The following RP1 variants were observed in gnomAD, a reference collection of about 807,000 sequenced individuals.
The protein encoded by RP1 is RP1 axonemal microtubule associated.
Under a neutral mutation model 14.8 loss-of-function variants are expected in RP1, and 16 were observed. The ratio of observed to expected loss-of-function variants is 1.08; its 90% CI spans 0.73 to 1.65. The LOEUF (loss-of-function observed/expected upper bound fraction) is 1.65. RP1 is among the 40% of genes most tolerant of loss of function. The pLI is 0.00. For synonymous variants in RP1, 876 were observed against 883.6 expected (o/e 0.99, Z 0.15); for missense variants, 2,631 against 2,535.0 (o/e 1.04, Z -0.81).
At chr8:54,574,646 T>G (rs1804604604) in intron 1 of RP1, among the ~76,000 whole-genome samples, 1 of 152,134 alleles carries the variant, frequency 6.6e-6, no homozygotes, top group Admixed American at 6.5e-5. Context: ...GGAATAGGCT[T>G]TGGTTAGTCT....
chr8:54,618,065 A>G (rs192007547), intron 1 of RP1, among the ~76,000 whole-genome samples: 7 of 152,206 alleles, frequency 4.6e-5, no homozygotes, highest in African/African-American at 1.7e-4. Context: ...ATTCTCTCAC[A>G]CATATGAAGA....
rs190168517 is a variant in RP1 at position 54,736,297 on chromosome 8, A to G, written c.2721+1553A>G. 3.8e-3 allele frequency among the ~76,000 whole-genome samples: 579 copies of G among 152,302 alleles called. 6 individuals are homozygous for G. The highest frequency in any genetic ancestry group is 1.3e-3 in the Non-Finnish European group (87 of 68,022). On this transcript the variant is annotated intron_variant, in intron 18 of 22. Coordinates refer to the RP1 transcript ENST00000636932. ...TGACAAAAAGAGAAAATGTGTATAA[A>G]TTAAAAAAGGAATCCTATTGACATA...
At chr8:54,868,494 T>C (rs1812508319) in intron 28 of RP1, among the ~76,000 whole-genome samples, 1 of 152,200 alleles carries the variant, frequency 6.6e-6, no homozygotes, top group African/African-American at 2.4e-5. Flanking sequence ...TCATGGTTTG[T>C]TTGACAGATG....
intron 1 of RP1, among the ~76,000 whole-genome samples, chr8:54,576,665 T>TCCAG (rs1804670968): frequency 6.6e-6 from 1 of 152,194 alleles, no homozygotes; most frequent in South Asian, 2.1e-4. Context: ...ATGTAACAGA[T>TCCAG]CTGGTTACAG....
chr8:54,863,519 C>A (rs1428514058), intron 27 of RP1, among the ~76,000 whole-genome samples: 1 of 152,214 alleles, frequency 6.6e-6, no homozygotes, highest in Non-Finnish European at 1.5e-5. Context: ...TTTACTCCAT[C>A]TGTAATTGAT....
intron 19 of RP1, among the ~76,000 whole-genome samples, chr8:54,746,893 C>G (rs1261847142): frequency 6.6e-6 from 1 of 152,148 alleles, no homozygotes; most frequent in Non-Finnish European, 1.5e-5. Context: ...TTGATTCCCT[C>G]ATCCAACCTG....
downstream of RP1, among the ~76,000 whole-genome samples, chr8:54,633,603 C>T (rs1353643324): frequency 6.6e-6 from 1 of 151,768 alleles, no homozygotes; most frequent in Non-Finnish European, 1.5e-5. Flanking sequence ...CAGTGTTAAA[C>T]ATGTTTTAGC....
intron 27 of RP1, among the ~76,000 whole-genome samples, chr8:54,865,371 C>T (rs925548181): frequency 6.6e-6 from 1 of 151,390 alleles, no homozygotes; most frequent in African/African-American, 2.4e-5. Flanking sequence ...CCCTCCTTCT[C>T]TCTCTCCCTT....
intron 25 of RP1, chr8:54,852,553 A>G: frequency 1.6e-6 from 2 of 1,225,552 alleles, no homozygotes; most frequent in Non-Finnish European, 2.0e-6. Context: ...GAAAGATAAT[A>G]TCAGATTTCT....
chr8:54,718,677 A>G (rs1808463694), intron 15 of RP1, among the ~76,000 whole-genome samples: 1 of 152,230 alleles, frequency 6.6e-6, no homozygotes, highest in Non-Finnish European at 1.5e-5. Context: ...ATCAGTAAAA[A>G]GAAATGAGCC....
intron 4 of RP1, among the ~76,000 whole-genome samples, chr8:54,651,437 C>T (rs988726835): frequency 6.6e-6 from 1 of 151,958 alleles, no homozygotes; most frequent in African/African-American, 2.4e-5. Flanking sequence ...CTGATTCAAT[C>T]TCTTTACCCT....
chr8:54,628,200 G>A lies in RP1; in HGVS notation c.4318G>A (p.Glu1440Lys). The change falls in exon 4 of 4, where the codon GAA (glutamate) becomes AAA (lysine). Residue 1440 changes from glutamate to lysine, a missense_variant. Glu to Lys is a moderately conservative substitution (Grantham distance 56, BLOSUM62 1). Transcript: ENST00000220676. ...DENAYTSFDM[E>K]EPRTSEEPGS... ...AAATGCATATACTTCCTTTGATATG[G>A]AAGAACCACGGACTTCTGAAGAACC... 2 of 1,613,976 alleles carry A rather than the reference G, an allele frequency of 1.2e-6. No individual in the cohort carries two copies. Among genetic ancestry groups the A allele is most frequent in the Non-Finnish European group, 1.7e-6 (2 of 1,179,916 alleles).
chr8:54,621,693 G>A (rs1426259925), intron 2 of RP1, 112 bp downstream of exon 2: 1 of 1,478,268 alleles, frequency 6.8e-7, no homozygotes, highest in Admixed American at 1.7e-5. Context: ...CTTCCTCCCT[G>A]CCTGTGTATG....
At chr8:54,698,329 A>C (rs987584585) in intron 12 of RP1, among the ~76,000 whole-genome samples, 4 of 152,362 alleles carry the variant, frequency 2.6e-5, no homozygotes, top group Non-Finnish European at 4.4e-5. Context: ...AATCAAAACC[A>C]CAATGAGATA....
intron 24 of RP1, among the ~76,000 whole-genome samples, chr8:54,815,626 T>C (rs1811119250): frequency 6.6e-6 from 1 of 152,202 alleles, no homozygotes; most frequent in African/African-American, 2.4e-5. Context: ...ATGGGTTGGA[T>C]AGCATCAGAA....
intron 1 of RP1, among the ~76,000 whole-genome samples, chr8:54,581,150 C>T (rs1015739671): frequency 1.3e-5 from 2 of 151,064 alleles, no homozygotes; most frequent in African/African-American, 4.9e-5. Flanking sequence ...TGCTATCCCT[C>T]CCCCCTTCCC....
chr8:54,562,887 A>C (rs1295424688), intron 1 of RP1, among the ~76,000 whole-genome samples: 1 of 152,204 alleles, frequency 6.6e-6, no homozygotes, highest in African/African-American at 2.4e-5. Flanking sequence ...AAGACCACGG[A>C]GACAGGTGAA....
chr8:54,726,717 AAAG>A (rs1243568386), intron 17 of RP1, among the ~76,000 whole-genome samples: 1 of 152,098 alleles, frequency 6.6e-6, no homozygotes, highest in Non-Finnish European at 1.5e-5. Flanking sequence ...AATGAGTTGA[AAAG>A]AAGATAGTAT....
chr8:54,840,635 T>TA (rs1811770340), intron 25 of RP1, among the ~76,000 whole-genome samples: 1 of 149,500 alleles, frequency 6.7e-6, no homozygotes. Flanking sequence ...TTTTTTTTTT[T>TA]AATTTGAGGT....
Sources: gnomAD v4.1 joint callset for allele counts (sites outside exome capture counted in the v4.1 genomes callset) on GRCh38, gnomAD v4.1.1 for gene constraint, MANE v1.5 for transcripts, NCBI Gene and HGNC (gene_info 2026-07-23, HGNC 2026-07-21) for gene names.